The following ZFHX3 variants were observed in gnomAD, a reference collection of about 807,000 sequenced individuals.
ZFHX3 encodes the protein zinc finger homeobox 3, also known as zinc finger homeobox protein 3.
Under a neutral mutation model 279.1 loss-of-function variants are expected in ZFHX3, and 42 were observed. The observed-to-expected ratio is 0.15, with a 90% CI of 0.12 to 0.19. The LOEUF is 0.19. Ranked by LOEUF, ZFHX3 falls within the 10% of genes least tolerant of loss-of-function variation. The pLI, the probability that ZFHX3 is intolerant of heterozygous loss-of-function variation, is 1.00. For synonymous variants in ZFHX3, 2,293 were observed against 1,957.8 expected (o/e 1.17, Z -4.52); for missense variants, 4,981 against 4,754.0 (o/e 1.05, Z -1.40).
In ZFHX3 at chr16:73,417,396, C is replaced by CTTTT. The variant is rs57283343; in HGVS notation, c.-1291+38603_-1291+38606dup. Among the ~76,000 whole-genome samples the CTTTT allele has an allele frequency of 1.3e-3, 151 of 118,750 alleles. 5 individuals carry two copies. Among genetic ancestry groups the CTTTT allele is most frequent in the South Asian group, 9.8e-3 (36 of 3,664 alleles). The allele number at this position is 118,750 out of a possible 152,430, so 77.9% of individuals were successfully genotyped here. A position where few individuals can be genotyped will look rare whatever the true frequency, so the allele number is the denominator to read the frequency against. On this transcript the variant is annotated intron_variant, in intron 3 of 17. Transcript: ENST00000641206. ...ATTAAGAAAAGGAATTTTTTCTTTT[C>CTTTT]TTTTTTTTTTTTTTTTTTGGAGACA...
intron 1 of ZFHX3, among the ~76,000 whole-genome samples, chr16:73,031,717 C>G (rs1022402042): frequency 6.6e-6 from 1 of 152,176 alleles, no homozygotes; most frequent in Non-Finnish European, 1.5e-5. Context: ...ATGCATGAAC[C>G]AGAACGCGGG....
chr16:73,818,585 T>C (rs777386911), intron 1 of ZFHX3, among the ~76,000 whole-genome samples: 3 of 152,164 alleles, frequency 2.0e-5, no homozygotes, highest in Non-Finnish European at 2.9e-5. Flanking sequence ...AAGCATTAAA[T>C]AAGCAGACAC....
At chr16:73,288,745 T>G (rs1185780190) in intron 4 of ZFHX3, among the ~76,000 whole-genome samples, 1 of 152,006 alleles carries the variant, frequency 6.6e-6, no homozygotes, top group Non-Finnish European at 1.5e-5. Flanking sequence ...AGAGCCAAGA[T>G]TATGTCTTCA....
At chr16:73,481,020 A>C (rs1000379874) in intron 2 of ZFHX3, among the ~76,000 whole-genome samples, 1 of 152,140 alleles carries the variant, frequency 6.6e-6, no homozygotes, top group Admixed American at 6.5e-5. Context: ...GGTCTTCCCA[A>C]ATCTTTAAGA....
chr16:73,598,157 G>A (rs531936907), intron 2 of ZFHX3, among the ~76,000 whole-genome samples: 1 of 152,124 alleles, frequency 6.6e-6, no homozygotes, highest in African/African-American at 2.4e-5. Flanking sequence ...AGGACAGTTG[G>A]GGAAGGCAGG....
intron 2 of ZFHX3, among the ~76,000 whole-genome samples, chr16:73,527,664 C>A (rs140464260): frequency 2.1e-3 from 318 of 152,308 alleles, no homozygotes; most frequent in African/African-American, 6.6e-3. Flanking sequence ...TGCTCTCTTT[C>A]ACTCTGTCAG....
At chr16:72,962,195 G>A (rs569547792) in intron 1 of ZFHX3, among the ~76,000 whole-genome samples, 1 of 152,308 alleles carries the variant, frequency 6.6e-6, no homozygotes, top group African/African-American at 2.4e-5. Context: ...GCTGCACCAG[G>A]GACTTGTTTA....
At chr16:73,351,355 A>G (rs1319325106) in intron 3 of ZFHX3, among the ~76,000 whole-genome samples, 4 of 152,182 alleles carry the variant, frequency 2.6e-5, no homozygotes, top group Admixed American at 1.3e-4. Context: ...CACTGGTCCA[A>G]CAGAATTGAT....
At chr16:73,570,481 A>G (rs1164377651) in intron 2 of ZFHX3, among the ~76,000 whole-genome samples, 1 of 152,200 alleles carries the variant, frequency 6.6e-6, no homozygotes, top group African/African-American at 2.4e-5. Context: ...ACTTGTAAAA[A>G]TTCCATCTCA....
intron 3 of ZFHX3, among the ~76,000 whole-genome samples, chr16:73,412,666 T>C (rs2143465062): frequency 6.6e-6 from 1 of 152,326 alleles, no homozygotes; most frequent in East Asian, 1.9e-4. Context: ...TATCGGACTT[T>C]AGACACATTA....
At chr16:72,975,572 T>C (rs1462363321) in intron 1 of ZFHX3, among the ~76,000 whole-genome samples, 1 of 152,216 alleles carries the variant, frequency 6.6e-6, no homozygotes, top group Admixed American at 6.5e-5. Context: ...CAAAGCCCAT[T>C]ATTTGCACTG....
At chr16:73,425,765 T>C (rs1412850459) in intron 3 of ZFHX3, among the ~76,000 whole-genome samples, 1 of 152,110 alleles carries the variant, frequency 6.6e-6, no homozygotes, top group Non-Finnish European at 1.5e-5. Flanking sequence ...TCTGAAAAAT[T>C]AGCACACAGA....
chr16:73,133,004 G>T (rs1278648080), intron 6 of ZFHX3, among the ~76,000 whole-genome samples: 2 of 152,300 alleles, frequency 1.3e-5, no homozygotes, highest in East Asian at 3.9e-4. Flanking sequence ...AAGGCCAGCT[G>T]CTCCAGTGAT....
intron 4 of ZFHX3, among the ~76,000 whole-genome samples, chr16:73,316,884 G>C (rs1280167138): frequency 1.3e-5 from 2 of 152,154 alleles, no homozygotes; most frequent in African/African-American, 4.8e-5. Context: ...TTGAGCTAAG[G>C]GGAGGGAAAT....
intron 5 of ZFHX3, among the ~76,000 whole-genome samples, chr16:73,198,330 C>G (rs13338929): frequency 6.6e-6 from 1 of 150,854 alleles, no homozygotes; most frequent in East Asian, 1.9e-4. Context: ...TATTCTCTTC[C>G]ATGCTGGTAT....
At chr16:73,316,995 A>G (rs2015464769) in intron 4 of ZFHX3, among the ~76,000 whole-genome samples, 1 of 152,228 alleles carries the variant, frequency 6.6e-6, no homozygotes, top group African/African-American at 2.4e-5. Context: ...TTTGATACAG[A>G]CAGAGGAACT....
intron 3 of ZFHX3, among the ~76,000 whole-genome samples, chr16:73,413,210 C>T (rs1408839609): frequency 6.6e-6 from 1 of 152,166 alleles, no homozygotes; most frequent in Non-Finnish European, 1.5e-5. Flanking sequence ...GGTAATAGTT[C>T]AAGAGGCCCT....
intron 1 of ZFHX3, among the ~76,000 whole-genome samples, chr16:72,960,564 C>T (rs760597968): frequency 2.6e-5 from 4 of 152,154 alleles, no homozygotes; most frequent in East Asian, 1.9e-4. Context: ...CAGCCCTCTA[C>T]GAGGTCACAG....
intron 4 of ZFHX3, among the ~76,000 whole-genome samples, chr16:72,868,383 C>T (rs2038075820): frequency 6.6e-6 from 1 of 152,178 alleles, no homozygotes; most frequent in Non-Finnish European, 1.5e-5. Flanking sequence ...CCCATTTCTC[C>T]CAGGTGGAAC....
Sources: gnomAD v4.1 joint callset for allele counts (sites outside exome capture counted in the v4.1 genomes callset) on GRCh38, gnomAD v4.1.1 for gene constraint, MANE v1.5 for transcripts, NCBI Gene and HGNC (gene_info 2026-07-23, HGNC 2026-07-21) for gene names.